The following CEP70 variants were observed in gnomAD, a reference collection of about 807,000 sequenced individuals.
CEP70 encodes centrosomal protein of 70 kDa.
CEP70 carries 70 observed loss-of-function variants against 90.9 expected under a neutral mutation model. The observed-to-expected ratio is 0.77, with a 90% confidence interval of 0.64 to 0.94. CEP70 has a LOEUF of 0.94. Ranked by LOEUF, CEP70 falls within the 40% of genes least tolerant of loss-of-function variation. CEP70 has a pLI of 0.00. For missense variants in CEP70, 648 were observed against 669.0 expected (o/e 0.97, Z 0.35); for synonymous variants, 220 against 228.3 (o/e 0.96, Z 0.33).
chr3:138,549,008 C>G (rs1214666373), intron 6 of CEP70, among the ~76,000 whole-genome samples: 2 of 152,184 alleles, frequency 1.3e-5, no homozygotes, highest in Admixed American at 6.5e-5. Flanking sequence ...AATTAGAGAG[C>G]TGAGCAAAAT....
intron 2 of CEP70, among the ~76,000 whole-genome samples, chr3:138,582,615 CA>C (rs1456551040): frequency 6.7e-6 from 1 of 149,204 alleles, no homozygotes; most frequent in Non-Finnish European, 1.5e-5. Flanking sequence ...ACTAAAAATA[CA>C]AAAATTCTCT....
chr3:138,496,478 G>A (rs1187405589), intron 17 of CEP70: 35 of 985,176 alleles, frequency 3.6e-5, no homozygotes, highest in African/African-American at 7.0e-5. Flanking sequence ...CCCTGACTCC[G>A]CCCCCTGCCC....
chr3:138,530,905 C>T, intron 8 of CEP70: 1 of 950,968 alleles, frequency 1.1e-6, no homozygotes, highest in Non-Finnish European at 1.3e-6. Context: ...ATAATATAAA[C>T]TCCACTCAGT....
intron 8 of CEP70, 120 bp downstream of exon 8, chr3:138,532,394 C>A: frequency 1.2e-6 from 1 of 802,696 alleles, no homozygotes. Flanking sequence ...TAAAAAAGAA[C>A]TTCACAGTGA....
intron 6 of CEP70, among the ~76,000 whole-genome samples, chr3:138,565,551 T>C (rs1324257358): frequency 6.6e-6 from 1 of 152,216 alleles, no homozygotes; most frequent in African/African-American, 2.4e-5. Context: ...TACAACCATC[T>C]GATCTTTGAC....
In CEP70 at chr3:138,500,207, A is replaced by G; in HGVS notation, c.1555T>C (p.Cys519Arg). 1.2e-6 allele frequency: 2 copies of G among 1,611,588 alleles called. No homozygotes were observed. Among genetic ancestry groups the G allele is most frequent in the Non-Finnish European group, 1.7e-6 (2 of 1,177,694 alleles). Residue 519 changes from cysteine (C) to arginine (R), a missense_variant, in exon 16 of 18, where the codon TGT becomes CGT. Cys to Arg is a radical substitution (Grantham distance 180, BLOSUM62 -3). Transcript: ENST00000264982. ...LLELDSSSSL[C>R]VLVSTVGKLC... The stretch of plus-strand genomic sequence containing the variant: ...TTTCCAACAGTGCTTACTAGCACAC[A>G]CAATGAGGATGAACTATCTGCAAAA...
chr3:138,500,294 C>T, intron 15 of CEP70, 70 bp from the exon 16 acceptor site: 1 of 1,493,692 alleles, frequency 6.7e-7, no homozygotes, highest in Non-Finnish European at 9.2e-7. Context: ...ACATTTTATG[C>T]TTCAGTTATC....
intron 7 of CEP70, among the ~76,000 whole-genome samples, chr3:138,536,095 G>T (rs1321497391): frequency 1.3e-5 from 2 of 151,774 alleles, no homozygotes; most frequent in East Asian, 1.9e-4. Flanking sequence ...AATTATTCAA[G>T]ATTTCCAGTC....
intron 2 of CEP70, among the ~76,000 whole-genome samples, chr3:138,589,264 C>A (rs946659738): frequency 1.3e-5 from 2 of 151,974 alleles, no homozygotes; most frequent in Admixed American, 1.3e-4. Flanking sequence ...AGATTTGAAA[C>A]TACAAATGGA....
intron 13 of CEP70, among the ~76,000 whole-genome samples, chr3:138,503,574 A>C (rs1311098725): frequency 6.6e-6 from 1 of 152,186 alleles, no homozygotes; most frequent in African/African-American, 2.4e-5. Context: ...TTGGACCCTG[A>C]AACTGTAGTA....
At chr3:138,498,609 C>T (rs2034177333) in intron 16 of CEP70, among the ~76,000 whole-genome samples, 1 of 151,846 alleles carries the variant, frequency 6.6e-6, no homozygotes, top group South Asian at 2.1e-4. Flanking sequence ...GCTGGGATTA[C>T]AGGCGTGAGC....
intron 6 of CEP70, among the ~76,000 whole-genome samples, chr3:138,551,195 G>C (rs1002760852): frequency 6.6e-6 from 1 of 152,194 alleles, no homozygotes; most frequent in Non-Finnish European, 1.5e-5. Context: ...TAAGCTAGAA[G>C]GGATTGGAGC....
At chr3:138,534,954 C>CA in intron 7 of CEP70, among the ~76,000 whole-genome samples, 1 of 152,300 alleles carries the variant, frequency 6.6e-6, no homozygotes, top group Non-Finnish European at 1.5e-5. Flanking sequence ...TTAAGACCTT[C>CA]ATTAGCCCTC....
At chr3:138,535,712 C>G (rs2038204721) in intron 7 of CEP70, among the ~76,000 whole-genome samples, 2 of 152,166 alleles carry the variant, frequency 1.3e-5, no homozygotes, top group Admixed American at 1.3e-4. Flanking sequence ...TGGTACATTG[C>G]AAGTTCTCTC....
At chr3:138,520,098 A>C (rs1264957017) in intron 11 of CEP70, among the ~76,000 whole-genome samples, 1 of 152,216 alleles carries the variant, frequency 6.6e-6, no homozygotes, top group Admixed American at 6.5e-5. Context: ...GCCATTACAT[A>C]ATGGTAAAGG....
intron 6 of CEP70, among the ~76,000 whole-genome samples, chr3:138,539,204 G>C (rs1560365487): frequency 1.3e-5 from 2 of 152,164 alleles, no homozygotes; most frequent in African/African-American, 4.8e-5. Context: ...TGTATTTTTA[G>C]TAGAGACAAG....
At chr3:138,497,466 A>T in intron 17 of CEP70, 2 of 1,108,216 alleles carry the variant, frequency 1.8e-6, no homozygotes, top group Non-Finnish European at 2.2e-6. Flanking sequence ...TATTTAAACT[A>T]GATAAGGTCT....
At position 138,571,326 on chromosome 3, in the gene CEP70, C is replaced by T; in HGVS notation, c.100G>A (p.Val34Met). ...TTTAAGCCATGCATCATCAATAGCA[C>T]ATTTATGCTTTCCCATTCTGCTTCT... The part of the protein sequence containing the change: ...QEEAEWESIN[V>M]LLMMHGLKPL... Residue 34 changes from valine (V) to methionine (M), a missense_variant, in exon 4 of 18, where the codon GTG becomes ATG. Coordinates refer to ENST00000264982, the MANE Select transcript of CEP70 (RefSeq NM_024491.4). 6.2e-7 allele frequency: 1 copy of T among 1,610,262 alleles called. No homozygotes were observed. Among genetic ancestry groups the T allele is most frequent in the Non-Finnish European group, 8.5e-7 (1 of 1,177,768 alleles).
chr3:138,578,389 C>G (rs558646978), intron 2 of CEP70, among the ~76,000 whole-genome samples: 3 of 152,220 alleles, frequency 2.0e-5, no homozygotes, highest in African/African-American at 7.2e-5. Context: ...TCATTGGTAT[C>G]GCTAATATTC....
Sources: gnomAD v4.1 joint callset for allele counts (sites outside exome capture counted in the v4.1 genomes callset) on GRCh38, gnomAD v4.1.1 for gene constraint, MANE v1.5 for transcripts, NCBI Gene and HGNC (gene_info 2026-07-23, HGNC 2026-07-21) for gene names.